TMPRSS15: variants seen among roughly 807,000 people sequenced by gnomAD.
The protein encoded by TMPRSS15 is transmembrane serine protease 15.
A neutral mutation model predicts 125.3 loss-of-function variants in TMPRSS15; 128 were observed. The observed-to-expected ratio is 1.02, with a 90% CI of 0.89 to 1.18. The LOEUF (loss-of-function observed/expected upper bound fraction) is 1.18. Among genes scored for constraint, TMPRSS15 ranks in the 50% most tolerant of loss-of-function variants. The pLI, the probability that TMPRSS15 is intolerant of heterozygous loss-of-function variation, is 0.00. For missense variants in TMPRSS15, 1,283 were observed against 1,212.7 expected (o/e 1.06, Z -0.86); for synonymous variants, 446 against 423.2 (o/e 1.05, Z -0.66).
At position 18,352,437 on chromosome 21, in the gene TMPRSS15, T is replaced by C. The variant is rs193239183; in HGVS notation, c.1171+466A>G. 1.6e-3 allele frequency among the ~76,000 whole-genome samples: 251 copies of C among 152,210 alleles called. 1 individual carries two copies. The highest frequency in any genetic ancestry group is 3.1e-3 in the Non-Finnish European group (209 of 67,960). ...ATGTTGAAAATGCTAAGGAATTCTT[T>C]AAAGGAACATCGGAGATAACAAACA... On this transcript the variant is annotated intron_variant, in intron 10 of 24. Transcript: ENST00000284885.
At chr21:18,278,942 T>C in intron 23 of TMPRSS15, 22 bp downstream of exon 23, 1 of 985,768 alleles carries the variant, frequency 1.0e-6, no homozygotes, top group African/African-American at 1.8e-5. Context: ...TTTTTTTTTT[T>C]TTTTTGAGTC....
chr21:18,473,152 C>T (rs1568737001), intron 1 of TMPRSS15, among the ~76,000 whole-genome samples: 1 of 152,036 alleles, frequency 6.6e-6, no homozygotes, highest in African/African-American at 2.4e-5. Context: ...GCATAAAAAT[C>T]AGAAGCTCTT....
intron 17 of TMPRSS15, among the ~76,000 whole-genome samples, chr21:18,314,678 A>G (rs1370147592): frequency 3.3e-5 from 5 of 152,022 alleles, no homozygotes; most frequent in Non-Finnish European, 7.4e-5. Context: ...ATAAAAAGAC[A>G]TAATAAAAGT....
chr21:18,387,284 C>T lies in TMPRSS15; in HGVS notation c.345-3506G>A, dbSNP rs1012973773. ...GTCCTTGTAAAATAACAGTTTTTCT[C>T]TAAGGCAGAGAAATCCTACTATGGT... On this transcript the variant is annotated intron_variant, in intron 3 of 24. Coordinates refer to ENST00000284885, the MANE Select transcript of TMPRSS15 (RefSeq NM_002772.3). Among the ~76,000 whole-genome samples the T allele has an allele frequency of 3.9e-4, 60 of 152,148 alleles. 1 individual carries two copies. Among genetic ancestry groups the T allele is most frequent in the African/African-American group, 1.3e-3 (55 of 41,518 alleles).
intron 3 of TMPRSS15, among the ~76,000 whole-genome samples, chr21:18,393,451 A>G (rs542049464): frequency 2.9e-4 from 44 of 152,304 alleles, no homozygotes; most frequent in Non-Finnish European, 4.4e-4. Context: ...TGTTAGTCAC[A>G]TTACATGAGA....
At chr21:18,314,827 A>G (rs565684381) in intron 17 of TMPRSS15, among the ~76,000 whole-genome samples, 8 of 152,108 alleles carry the variant, frequency 5.3e-5, no homozygotes, top group Non-Finnish European at 8.8e-5. Context: ...AGTAGCCAAT[A>G]TGAGTGGTGC....
intron 19 of TMPRSS15, among the ~76,000 whole-genome samples, chr21:18,296,405 T>C (rs187837151): frequency 1.0e-3 from 154 of 152,332 alleles, no homozygotes; most frequent in African/African-American, 3.6e-3. Context: ...CAATATAATG[T>C]GGCTAATTAA....
intron 16 of TMPRSS15, among the ~76,000 whole-genome samples, chr21:18,316,037 AT>A (rs2075163481): frequency 6.7e-6 from 1 of 149,928 alleles, no homozygotes; most frequent in Non-Finnish European, 1.5e-5. Context: ...ATATATATAT[AT>A]ATAAAATAAT....
intron 18 of TMPRSS15, among the ~76,000 whole-genome samples, chr21:18,301,586 T>C (rs140943382): frequency 4.8e-4 from 73 of 152,270 alleles, no homozygotes; most frequent in African/African-American, 1.7e-3. Context: ...AGGAAATTAG[T>C]TGTTGATTTT....
intron 1 of TMPRSS15, among the ~76,000 whole-genome samples, chr21:18,412,145 T>A (rs2076167526): frequency 6.6e-6 from 1 of 152,194 alleles, no homozygotes; most frequent in Non-Finnish European, 1.5e-5. Flanking sequence ...GCCACATCTG[T>A]AGCTCAGGCA....
chr21:18,433,663 C>CAAA (rs58432155), intron 1 of TMPRSS15, among the ~76,000 whole-genome samples: 1,181 of 62,094 alleles, frequency 0.019, 77 homozygotes, highest in East Asian at 0.038. Context: ...GACCTTGTCT[C>CAAA]AAAAAAAAAA....
At chr21:18,462,820 T>C (rs1978576522) in intron 1 of TMPRSS15, among the ~76,000 whole-genome samples, 1 of 151,960 alleles carries the variant, frequency 6.6e-6, no homozygotes, top group Admixed American at 6.6e-5. Context: ...AAGGTCAGGT[T>C]ACCCACAAAG....
chr21:18,460,108 T>G (rs1978524297), intron 1 of TMPRSS15, among the ~76,000 whole-genome samples: 1 of 152,142 alleles, frequency 6.6e-6, no homozygotes, highest in Non-Finnish European at 1.5e-5. Context: ...CTGAGAGAGA[T>G]ATAATTTTGC....
At chr21:18,351,838 T>G (rs1203278692) in intron 10 of TMPRSS15, among the ~76,000 whole-genome samples, 1 of 152,044 alleles carries the variant, frequency 6.6e-6, no homozygotes, top group Non-Finnish European at 1.5e-5. Context: ...TGCTATATAA[T>G]AGGAAAAATG....
At chr21:18,330,582 A>G (rs2075334630) in intron 14 of TMPRSS15, among the ~76,000 whole-genome samples, 2 of 152,190 alleles carry the variant, frequency 1.3e-5, no homozygotes, top group South Asian at 4.1e-4. Context: ...TGTGCCTGAC[A>G]ACATATCTGA....
intron 22 of TMPRSS15, among the ~76,000 whole-genome samples, chr21:18,279,831 C>A (rs554106292): frequency 1.2e-4 from 18 of 151,948 alleles, no homozygotes; most frequent in Non-Finnish European, 2.5e-4. Flanking sequence ...CAATTATCAC[C>A]ATGTTAAAAA....
At chr21:18,415,187 C>T (rs1195712508) in intron 1 of TMPRSS15, among the ~76,000 whole-genome samples, 1 of 152,122 alleles carries the variant, frequency 6.6e-6, no homozygotes, top group South Asian at 2.1e-4. Context: ...GGGTGCATGC[C>T]CATTTTTAAA....
intron 5 of TMPRSS15, among the ~76,000 whole-genome samples, chr21:18,374,479 CAAAAAAAAAAA>C (rs1165884199): frequency 2.3e-4 from 14 of 59,904 alleles, no homozygotes; most frequent in Non-Finnish European, 1.4e-4. Flanking sequence ...GACTCCGTCT[CAAAAAAAAAAA>C]AAAAAAAAAA....
chr21:18,341,358 T>A, intron 13 of TMPRSS15, 55 bp downstream of exon 13: 2 of 1,607,344 alleles, frequency 1.2e-6, no homozygotes, highest in Non-Finnish European at 1.7e-6. Flanking sequence ...GCTGTGAGCC[T>A]CCACACCTGA....
Sources: allele counts gnomAD v4.1 joint callset (sites outside exome capture counted in the v4.1 genomes callset), GRCh38; gene constraint gnomAD v4.1.1; transcripts MANE v1.5; gene names NCBI Gene and HGNC (gene_info 2026-07-23, HGNC 2026-07-21).